GLRA3: variants seen among roughly 807,000 people sequenced by gnomAD.
GLRA3 encodes glycine receptor subunit alpha-3.
In GLRA3, 44 loss-of-function variants were observed where a neutral mutation model predicts 60.4. That is an observed-to-expected ratio of 0.73 (90% CI 0.57 to 0.94). The LOEUF is 0.94. GLRA3 is among the 40% of genes least tolerant of loss of function. The pLI, the probability that GLRA3 is intolerant of heterozygous loss-of-function variation, is 0.00. For missense variants in GLRA3, 508 were observed against 564.6 expected (o/e 0.90, Z 1.02); for synonymous variants, 223 against 192.9 (o/e 1.16, Z -1.29).
In GLRA3 at chr4:174,637,774, A is replaced by G. The variant is rs1460255817; in HGVS notation, c.*6012T>C. 1 of 152,174 alleles carries G rather than the reference A, an allele frequency of 6.6e-6. No homozygotes were observed. The highest frequency in any genetic ancestry group is 1.9e-4 in the East Asian group (1 of 5,198). 9.4% of individuals were successfully genotyped at this position (152,174 alleles called of 1,614,324 possible). A position where few individuals can be genotyped will look rare whatever the true frequency, so the allele number is the denominator to read the frequency against. ...TTTTATATAATATCTTCATATCTGA[A>G]ATAAATTTAAAAATATTTAATTTAA... On this transcript the variant is annotated 3_prime_UTR_variant, in exon 10 of 10. Transcript: ENST00000274093.
intron 5 of GLRA3, among the ~76,000 whole-genome samples, chr4:174,686,343 A>G (rs946889411): frequency 2.0e-5 from 3 of 152,210 alleles, no homozygotes; most frequent in African/African-American, 7.2e-5. Context: ...GAGAATGCTA[A>G]AGAGAACAGA....
chr4:174,812,655 G>C (rs1034158483), intron 1 of GLRA3, among the ~76,000 whole-genome samples: 1 of 152,056 alleles, frequency 6.6e-6, no homozygotes. Flanking sequence ...TGAATATTAC[G>C]CTATACCTCA....
chr4:174,683,090 G>C, intron 5 of GLRA3, 151 bp from the exon 6 acceptor site: 1 of 610,278 alleles, frequency 1.6e-6, no homozygotes, highest in Non-Finnish European at 2.9e-6. Context: ...GCCCAATTCC[G>C]TTTCATAAAT....
At chr4:174,708,601 C>CTT (rs200207515) in intron 5 of GLRA3, among the ~76,000 whole-genome samples, 2 of 133,032 alleles carry the variant, frequency 1.5e-5, no homozygotes, top group African/African-American at 5.5e-5. Flanking sequence ...AACTTTTACT[C>CTT]TTTTTTTTTT....
chr4:174,691,922 G>C (rs937398476), intron 5 of GLRA3, among the ~76,000 whole-genome samples: 2 of 151,558 alleles, frequency 1.3e-5, no homozygotes, highest in African/African-American at 4.9e-5. Context: ...TCTCTGCCCG[G>C]CCGCCATCCC....
At chr4:174,740,558 C>T (rs1393572147) in intron 3 of GLRA3, among the ~76,000 whole-genome samples, 2 of 152,218 alleles carry the variant, frequency 1.3e-5, no homozygotes, top group African/African-American at 2.4e-5. Context: ...TATTCCTGAT[C>T]CACATACATG....
chr4:174,811,830 G>A (rs1162829240), intron 1 of GLRA3, among the ~76,000 whole-genome samples: 1 of 151,960 alleles, frequency 6.6e-6, no homozygotes, highest in African/African-American at 2.4e-5. Context: ...AATATACCTC[G>A]AGCAGTTTAA....
At position 174,682,952 on chromosome 4, in the gene GLRA3, T is replaced by C. The variant is rs374985409; in HGVS notation, c.575-13A>G. 1.6e-5 allele frequency: 25 copies of C among 1,602,094 alleles called. No homozygotes were observed. The highest frequency in any genetic ancestry group is 2.0e-5 in the Non-Finnish European group (24 of 1,170,932). On this transcript the variant is annotated splice_polypyrimidine_tract_variant and intron_variant, in intron 5 of 9. Coordinates refer to ENST00000274093, the MANE Select transcript of GLRA3 (RefSeq NM_006529.4). ...ATTGTGTACCCAACTAGGCAAAACA[T>C]AATAAAAATATGAATAGTCTAAAAA...
At chr4:174,682,763 C>A in intron 6 of GLRA3, 39 bp downstream of exon 6, 1 of 1,442,506 alleles carries the variant, frequency 6.9e-7, no homozygotes, top group South Asian at 1.3e-5. Flanking sequence ...ATCATAAAAC[C>A]ACAAGTAGTA....
chr4:174,802,011 T>A, intron 1 of GLRA3, among the ~76,000 whole-genome samples: 1 of 151,148 alleles, frequency 6.6e-6, no homozygotes, highest in East Asian at 1.9e-4. Flanking sequence ...TAAATATTTT[T>A]GAAATAAATA....
In GLRA3 at chr4:174,721,043, T is replaced by TGTGTGTG. The variant is rs1420138706; in HGVS notation, c.492-5474_492-5473insCACACAC. On this transcript the variant is annotated intron_variant, in intron 4 of 9. Transcript: ENST00000274093. Reference sequence around the variant, plus strand: ...TGTGTGTGTGTGTGTGTGTGTGTGTTTTTGAGATGGAGTCTTGCTCTGTCA... The same window carrying TGTGTGTG: ...TGTGTGTGTGTGTGTGTGTGTGTGTTGTGTGTGTTTGAGATGGAGTCTTGCTCTGTCA... Among the ~76,000 whole-genome samples the TGTGTGTG allele has an allele frequency of 2.0e-3, 231 of 112,946 alleles. 2 individuals are homozygous for TGTGTGTG. Among genetic ancestry groups the TGTGTGTG allele is most frequent in the African/African-American group, 6.8e-3 (221 of 32,604 alleles). 74.1% of individuals were successfully genotyped at this position (112,946 alleles called of 152,430 possible). A position where few individuals can be genotyped will look rare whatever the true frequency, so the allele number is the denominator to read the frequency against.
At position 174,639,318 on chromosome 4, in the gene GLRA3, T is replaced by G. The variant is rs911556311; in HGVS notation, c.*4468A>C. ...ATTATGAACCTTTGTCTAGAAAAAT[T>G]GACTGTCTTTGTATTTTTAATCTAA... On this transcript the variant is annotated 3_prime_UTR_variant, in exon 10 of 10. Transcript: ENST00000274093. 6.6e-6 allele frequency: 1 copy of G among 151,564 alleles called. No homozygotes were observed. Among genetic ancestry groups the G allele is most frequent in the Non-Finnish European group, 1.5e-5 (1 of 67,932 alleles). 9.4% of individuals were successfully genotyped at this position (151,564 alleles called of 1,614,324 possible).
Position 174,828,992 on chromosome 4 carries a change from A to G in GLRA3, c.-181T>C. On this transcript the variant is annotated 5_prime_UTR_variant, in exon 1 of 10. Coordinates refer to ENST00000274093, the MANE Select transcript of GLRA3 (RefSeq NM_006529.4). The stretch of plus-strand genomic sequence containing the variant: ...CGGACCCCTTCTCAGCATTGAGCAG[A>G]AGTGGAGAGTCACAGTGTTATAAAT... 1 of 586,100 alleles carries G rather than the reference A, an allele frequency of 1.7e-6. No homozygotes were observed. The allele number at this position is 586,100 out of a possible 1,614,324, so 36.3% of individuals were successfully genotyped here. A position where few individuals can be genotyped will look rare whatever the true frequency, so the allele number is the denominator to read the frequency against.
chr4:174,768,242 C>T (rs1000287046), intron 2 of GLRA3, among the ~76,000 whole-genome samples: 2 of 152,052 alleles, frequency 1.3e-5, no homozygotes, highest in East Asian at 3.9e-4. Flanking sequence ...CTGGGAAGGT[C>T]GGTGAAATTA....
At chr4:174,820,799 A>G (rs1168263468) in intron 1 of GLRA3, among the ~76,000 whole-genome samples, 4 of 152,136 alleles carry the variant, frequency 2.6e-5, no homozygotes, top group Admixed American at 6.6e-5. Context: ...AAAGGCAAAC[A>G]TTATTTGCTA....
At chr4:174,761,268 T>A (rs544921743) in intron 3 of GLRA3, among the ~76,000 whole-genome samples, 11 of 152,310 alleles carry the variant, frequency 7.2e-5, no homozygotes, top group Admixed American at 1.3e-4. Flanking sequence ...AATATCATTT[T>A]TTATGCTGTA....
intron 1 of GLRA3, among the ~76,000 whole-genome samples, chr4:174,796,169 C>G (rs1005535183): frequency 1.3e-5 from 2 of 151,988 alleles, no homozygotes; most frequent in Admixed American, 1.3e-4. Flanking sequence ...GAAAGAGGCC[C>G]CAGAGATTTT....
At chr4:174,753,312 G>C (rs1737559961) in intron 3 of GLRA3, among the ~76,000 whole-genome samples, 1 of 152,094 alleles carries the variant, frequency 6.6e-6, no homozygotes, top group African/African-American at 2.4e-5. Context: ...ACGGTCCAGA[G>C]AGCTACAGTG....
intron 1 of GLRA3, among the ~76,000 whole-genome samples, chr4:174,795,938 G>T (rs1739548579): frequency 6.6e-6 from 1 of 152,120 alleles, no homozygotes; most frequent in African/African-American, 2.4e-5. Flanking sequence ...AAACTCTACA[G>T]ATTGATGCCT....
Sources: allele counts gnomAD v4.1 joint callset (sites outside exome capture counted in the v4.1 genomes callset), GRCh38; gene constraint gnomAD v4.1.1; transcripts MANE v1.5; gene names NCBI Gene and HGNC (gene_info 2026-07-23, HGNC 2026-07-21).